FAM13B: variants seen among roughly 807,000 people sequenced by gnomAD.
The protein encoded by FAM13B is protein FAM13B.
Under a neutral mutation model 117.3 loss-of-function variants are expected in FAM13B, and 60 were observed. The observed-to-expected ratio is 0.51, with a 90% confidence interval of 0.42 to 0.63. The LOEUF is 0.63. FAM13B is among the 30% of genes least tolerant of loss of function. FAM13B has a pLI of 0.00. For synonymous variants in FAM13B, 332 were observed against 356.1 expected (o/e 0.93, Z 0.76); for missense variants, 972 against 1,091.9 (o/e 0.89, Z 1.55).
intron 14 of FAM13B, among the ~76,000 whole-genome samples, chr5:137,955,083 T>C (rs1561744450): frequency 6.6e-6 from 1 of 152,178 alleles, no homozygotes; most frequent in Non-Finnish European, 1.5e-5. Context: ...AGTTTTCAAG[T>C]AGGGGAAAAC....
At chr5:137,966,459 TTATATATATA>T (rs373885448) in intron 10 of FAM13B, among the ~76,000 whole-genome samples, 32 of 50,282 alleles carry the variant, frequency 6.4e-4, no homozygotes, top group Admixed American at 1.5e-3. Context: ...GAAATAGATT[TTATATATATA>T]TATATATATA....
At chr5:138,005,680 G>A (rs2150826330) in intron 7 of FAM13B, among the ~76,000 whole-genome samples, 1 of 152,116 alleles carries the variant, frequency 6.6e-6, no homozygotes, top group East Asian at 1.9e-4. Context: ...GGGCAACAGA[G>A]AGAATAAACA....
At chr5:138,042,541 T>C (rs536805344) in intron 1 of FAM13B, among the ~76,000 whole-genome samples, 1 of 152,178 alleles carries the variant, frequency 6.6e-6, no homozygotes, top group Admixed American at 6.5e-5. Context: ...AGTTTTTAAG[T>C]TTTTTCTTTA....
chr5:137,977,408 T>C (rs1774340226), intron 10 of FAM13B, among the ~76,000 whole-genome samples: 2 of 152,288 alleles, frequency 1.3e-5, no homozygotes, highest in South Asian at 4.1e-4. Context: ...ACCCTATTCA[T>C]ACACTCCCTC....
At chr5:137,981,764 C>T (rs1158679456) in intron 10 of FAM13B, among the ~76,000 whole-genome samples, 1 of 149,960 alleles carries the variant, frequency 6.7e-6, no homozygotes, top group Non-Finnish European at 1.5e-5. Flanking sequence ...CCAGCCTGGG[C>T]AACAGAGACA....
chr5:137,960,348 C>G, intron 11 of FAM13B, 134 bp from the exon 12 acceptor site: 1 of 500,154 alleles, frequency 2.0e-6, no homozygotes, highest in Non-Finnish European at 3.6e-6. Context: ...GCCAACTGGA[C>G]ACATGCCCAT....
intron 20 of FAM13B, among the ~76,000 whole-genome samples, chr5:137,944,721 G>A (rs1439478288): frequency 6.7e-6 from 1 of 150,064 alleles, no homozygotes; most frequent in African/African-American, 2.5e-5. Context: ...TCACACCACT[G>A]CACTCCAGCC....
chr5:137,993,213 G>A (rs894560642), intron 7 of FAM13B, among the ~76,000 whole-genome samples: 3 of 152,232 alleles, frequency 2.0e-5, no homozygotes, highest in Non-Finnish European at 4.4e-5. Flanking sequence ...TGAGGATTTT[G>A]AGAGCCACTG....
At chr5:138,017,525 T>C (rs921761391) in intron 4 of FAM13B, among the ~76,000 whole-genome samples, 25 of 152,154 alleles carry the variant, frequency 1.6e-4, no homozygotes, top group Non-Finnish European at 5.9e-5. Flanking sequence ...AAAGGGTAAT[T>C]TTAAAATTCA....
intron 7 of FAM13B, among the ~76,000 whole-genome samples, chr5:138,001,515 A>ATT (rs1781253927): frequency 6.6e-6 from 1 of 152,220 alleles, no homozygotes; most frequent in African/African-American, 2.4e-5. Context: ...TCTTCCTTCT[A>ATT]AAGCTCCATT....
chr5:137,970,413 G>A (rs1055562733), intron 10 of FAM13B, among the ~76,000 whole-genome samples: 1 of 151,924 alleles, frequency 6.6e-6, no homozygotes, highest in Non-Finnish European at 1.5e-5. Context: ...CAAATGCTGA[G>A]AGATTCTGTC....
chr5:137,967,318 G>C (rs1770322441), intron 10 of FAM13B, among the ~76,000 whole-genome samples: 1 of 152,158 alleles, frequency 6.6e-6, no homozygotes, highest in Non-Finnish European at 1.5e-5. Context: ...AAGGTCAGGA[G>C]TTCAAGACCA....
intron 10 of FAM13B, among the ~76,000 whole-genome samples, chr5:137,970,014 G>A (rs1771553814): frequency 6.6e-6 from 1 of 152,138 alleles, no homozygotes; most frequent in Non-Finnish European, 1.5e-5. Context: ...GGGGAGAATG[G>A]AACCAAGTTG....
intron 7 of FAM13B, among the ~76,000 whole-genome samples, chr5:137,999,085 T>C (rs1179923038): frequency 6.6e-6 from 1 of 151,842 alleles, no homozygotes; most frequent in African/African-American, 2.4e-5. Context: ...GTAATTGATT[T>C]CTGAATTGCC....
intron 1 of FAM13B, among the ~76,000 whole-genome samples, chr5:138,043,230 T>TTACCA (rs1791548270): frequency 6.6e-6 from 1 of 151,694 alleles, no homozygotes; most frequent in Non-Finnish European, 1.5e-5. Context: ...TAGCCAGGCA[T>TTACCA]GGTAACACAC....
chr5:137,999,164 A>G (rs1194340965), intron 7 of FAM13B, among the ~76,000 whole-genome samples: 35 of 142,432 alleles, frequency 2.5e-4, no homozygotes, highest in Admixed American at 7.4e-4. Context: ...CCCAGGCTGG[A>G]GTGCAGTGGC....
chr5:138,030,866 T>TTACAAAAAA (rs1789757932), intron 1 of FAM13B, among the ~76,000 whole-genome samples: 1 of 151,768 alleles, frequency 6.6e-6, no homozygotes, highest in Non-Finnish European at 1.5e-5. Context: ...AAACCCCGTC[T>TTACAAAAAA]TACAAAAAAT....
At chr5:137,962,211 G>C (rs1378605532) in intron 11 of FAM13B, among the ~76,000 whole-genome samples, 194 bp downstream of exon 11, 2 of 152,106 alleles carry the variant, frequency 1.3e-5, no homozygotes, top group Non-Finnish European at 2.9e-5. Flanking sequence ...TATAACTACT[G>C]TCTGAACCTG....
At chr5:137,978,216 A>AT (rs201451537) in intron 10 of FAM13B, among the ~76,000 whole-genome samples, 8 of 150,366 alleles carry the variant, frequency 5.3e-5, no homozygotes, top group Middle Eastern at 3.5e-3. Flanking sequence ...TGTGTTTCCC[A>AT]TTTTTTTTTC....
Sources: allele counts gnomAD v4.1 joint callset (sites outside exome capture counted in the v4.1 genomes callset), GRCh38; gene constraint gnomAD v4.1.1; transcripts MANE v1.5; gene names NCBI Gene and HGNC (gene_info 2026-07-23, HGNC 2026-07-21).